Variants in TMEM233 observed in about 807,000 individuals in gnomAD.
The protein encoded by TMEM233 is dispanin subfamily B member 2.
In TMEM233, 6 loss-of-function variants were observed where a neutral mutation model predicts 11.2. The observed-to-expected ratio is 0.54, with a 90% CI of 0.29 to 1.06. TMEM233 has a LOEUF of 1.06. TMEM233 is among the 50% of genes least tolerant of loss of function. The pLI is 0.08. For missense variants in TMEM233, 127 were observed against 144.7 expected (o/e 0.88, Z 0.63); for synonymous variants, 59 against 55.8 (o/e 1.06, Z -0.26).
At chr12:119,601,916 G>C (rs942091874) in intron 1 of TMEM233, among the ~76,000 whole-genome samples, 1 of 152,150 alleles carries the variant, frequency 6.6e-6, no homozygotes. Context: ...ATTCAACATA[G>C]AAAAGAGACA....
At chr12:119,628,645 G>A (rs1013360630) in intron 1 of TMEM233, among the ~76,000 whole-genome samples, 26 of 151,888 alleles carry the variant, frequency 1.7e-4, no homozygotes, top group Admixed American at 5.9e-4. Flanking sequence ...GACTATAGGC[G>A]CCCGCCACCA....
At chr12:119,621,421 G>A (rs969154795) in intron 1 of TMEM233, among the ~76,000 whole-genome samples, 8 of 151,860 alleles carry the variant, frequency 5.3e-5, no homozygotes, top group Non-Finnish European at 1.0e-4. Flanking sequence ...GGACTCAAGC[G>A]ATCCTCCTGC....
chr12:119,621,996 G>A (rs1398236968), intron 1 of TMEM233, among the ~76,000 whole-genome samples: 3 of 152,202 alleles, frequency 2.0e-5, no homozygotes, highest in South Asian at 2.1e-4. Flanking sequence ...GAAGTAACCC[G>A]TGTTTAGACA....
chr12:119,640,385 T>C (rs1298497107), intron 2 of TMEM233, among the ~76,000 whole-genome samples: 1 of 152,166 alleles, frequency 6.6e-6, no homozygotes, highest in Non-Finnish European at 1.5e-5. Context: ...CTCTATCTCC[T>C]GACCTCGTGA....
At chr12:119,602,130 G>C (rs12579854) in intron 1 of TMEM233, among the ~76,000 whole-genome samples, 14 of 152,088 alleles carry the variant, frequency 9.2e-5, no homozygotes, top group African/African-American at 3.4e-4. Context: ...AGGATGAAAA[G>C]CAAAACAAAC....
chr12:119,603,228 G>A (rs1109855), intron 1 of TMEM233, among the ~76,000 whole-genome samples: 51,967 of 152,046 alleles, frequency 0.34, 9,442 homozygotes, highest in African/African-American at 0.41. Flanking sequence ...CCGAGATCAC[G>A]CCACTGCACT....
chr12:119,648,999 C>G, the TMEM233 span, among the ~76,000 whole-genome samples: 1 of 152,070 alleles, frequency 6.6e-6, no homozygotes, highest in South Asian at 2.1e-4. Context: ...AAAATAATTT[C>G]AAGAAGATAG....
At chr12:119,597,356 C>T (rs1954068228) in intron 1 of TMEM233, among the ~76,000 whole-genome samples, 3 of 152,262 alleles carry the variant, frequency 2.0e-5, no homozygotes, top group Admixed American at 1.3e-4. Flanking sequence ...TGGGCACATT[C>T]CCAATACCAA....
intron 1 of TMEM233, among the ~76,000 whole-genome samples, chr12:119,609,522 G>A (rs1299032529): frequency 6.6e-6 from 1 of 152,202 alleles, no homozygotes; most frequent in Non-Finnish European, 1.5e-5. Context: ...CTTATCACAG[G>A]CCTGGAGGCT....
intron 2 of TMEM233, among the ~76,000 whole-genome samples, chr12:119,639,421 T>C (rs1421193722): frequency 6.7e-6 from 1 of 149,728 alleles, no homozygotes; most frequent in East Asian, 2.0e-4. Flanking sequence ...ATCGATACCA[T>C]CCTGGCTAAC....
rs1362896300 is a variant in TMEM233, at chr12:119,594,099, G to A, written c.186+65G>A. The A allele has an allele frequency of 3.4e-6, 5 of 1,489,916 alleles. No individual in the cohort carries two copies. In the African/African-American group the frequency reaches 7.0e-5, roughly 21 times the overall value. The allele number at this position is 1,489,916 out of a possible 1,614,324, so 92.3% of individuals were successfully genotyped here. On this transcript the variant is annotated intron_variant, in intron 1 of 2. Transcript: ENST00000426426. This position sits in a 1 kb window ranked among gnomAD's most constrained non-coding sequence, Gnocchi z 5.6. ...CCCGGGCGGCTTTGAGCCCCTGCAG[G>A]GGAGTCCGCGCGCTCTCTGCGGCTC...
intron 1 of TMEM233, among the ~76,000 whole-genome samples, chr12:119,611,514 GTTGT>G (rs1184614816): frequency 6.7e-6 from 1 of 148,722 alleles, no homozygotes; most frequent in Non-Finnish European, 1.5e-5. Context: ...CTTTAACTGG[GTTGT>G]TTGTCTTTTT....
At chr12:119,626,899 T>G (rs577865986) in intron 1 of TMEM233, among the ~76,000 whole-genome samples, 13 of 152,322 alleles carry the variant, frequency 8.5e-5, no homozygotes, top group African/African-American at 3.1e-4. Flanking sequence ...CAGACACCAC[T>G]CTAAGTACTA....
chr12:119,649,268 A>T, the TMEM233 span, among the ~76,000 whole-genome samples: 1 of 152,182 alleles, frequency 6.6e-6, no homozygotes, highest in Non-Finnish European at 1.5e-5. Flanking sequence ...ACTGCACTCC[A>T]GCCTGGGCCA....
At chr12:119,623,760 C>G (rs1954693537) in intron 1 of TMEM233, among the ~76,000 whole-genome samples, 1 of 152,174 alleles carries the variant, frequency 6.6e-6, no homozygotes, top group Admixed American at 6.5e-5. Flanking sequence ...TGAGCACACA[C>G]TATGTGCGGA....
At chr12:119,653,105 A>G in the TMEM233 span, among the ~76,000 whole-genome samples, 1 of 152,166 alleles carries the variant, frequency 6.6e-6, no homozygotes, top group East Asian at 1.9e-4. Context: ...AAATTTTAAA[A>G]TCACTGGGCC....
intron 1 of TMEM233, among the ~76,000 whole-genome samples, chr12:119,596,368 G>T (rs2136664333): frequency 6.6e-6 from 1 of 152,148 alleles, no homozygotes; most frequent in East Asian, 1.9e-4. Flanking sequence ...TAATGATGCT[G>T]CTTGGTATGC....
intron 2 of TMEM233, among the ~76,000 whole-genome samples, chr12:119,635,892 G>A (rs1954962716): frequency 6.6e-6 from 1 of 152,230 alleles, no homozygotes; most frequent in South Asian, 2.1e-4. Flanking sequence ...GAGATGCATA[G>A]GGCAAGGTAT....
intron 1 of TMEM233, among the ~76,000 whole-genome samples, chr12:119,613,007 A>G (rs1215346386): frequency 6.6e-6 from 1 of 152,156 alleles, no homozygotes; most frequent in Non-Finnish European, 1.5e-5. Flanking sequence ...CATGTGCACA[A>G]CGTGCAGGCT....
Sources: gnomAD v4.1 joint callset for allele counts (sites outside exome capture counted in the v4.1 genomes callset) on GRCh38, gnomAD v4.1.1 for gene constraint, Gnocchi (gnomAD v3.1) non-coding constraint, MANE v1.5 for transcripts, NCBI Gene and HGNC (gene_info 2026-07-23, HGNC 2026-07-21) for gene names.